The following MYOM2 variants were observed in gnomAD, a reference collection of about 807,000 sequenced individuals.
The protein encoded by MYOM2 is myomesin-2.
In MYOM2, 254 loss-of-function variants were observed where a neutral mutation model predicts 187.6. The observed-to-expected ratio is 1.35, with a 90% CI of 1.22 to 1.50. The LOEUF is 1.50. Among genes scored for constraint, MYOM2 ranks in the 40% most tolerant of loss-of-function variants. MYOM2 has a pLI of 0.00. For synonymous variants in MYOM2, 981 were observed against 753.8 expected, an observed-to-expected ratio of 1.30 and a Z score of -4.94; for missense variants, 2,796 against 1,924.0, an observed-to-expected ratio of 1.45 and a Z score of -8.48.
chr8:2,051,281 A>G, intron 2 of MYOM2, among the ~76,000 whole-genome samples: 1 of 152,194 alleles, frequency 6.6e-6, no homozygotes, highest in East Asian at 1.9e-4. Context: ...GGGAGGCAAT[A>G]TTAGTGATTT....
intron 6 of MYOM2, among the ~76,000 whole-genome samples, chr8:2,066,070 C>G (rs910709608): frequency 3.9e-5 from 6 of 152,334 alleles, no homozygotes; most frequent in Middle Eastern, 6.8e-3. Context: ...AAGGGTGGGT[C>G]AAGGCGTTCA....
At chr8:2,135,665 A>C (rs1798044152) in intron 32 of MYOM2, among the ~76,000 whole-genome samples, 1 of 152,196 alleles carries the variant, frequency 6.6e-6, no homozygotes, top group African/African-American at 2.4e-5. Context: ...TTAGTTTGGA[A>C]TGAAGGAATT....
chr8:2,076,021 GAATTA>G, intron 10 of MYOM2, 115 bp from the exon 11 acceptor site: 1 of 923,240 alleles, frequency 1.1e-6, no homozygotes, highest in East Asian at 2.8e-5. Context: ...TTGAACATGA[GAATTA>G]AACAGTGGTC....
intron 14 of MYOM2, among the ~76,000 whole-genome samples, chr8:2,089,336 A>G (rs1338174042): frequency 1.4e-5 from 2 of 147,812 alleles, no homozygotes; most frequent in Non-Finnish European, 3.0e-5. Context: ...CAATAATTCC[A>G]CCATATAAAA....
At chr8:2,120,896 A>T (rs1797431089) in intron 28 of MYOM2, among the ~76,000 whole-genome samples, 1 of 151,066 alleles carries the variant, frequency 6.6e-6, no homozygotes, top group Non-Finnish European at 1.5e-5. Flanking sequence ...TTATTATAGA[A>T]AAATACTTAG....
In MYOM2 at chr8:2,052,059, A is replaced by T; in HGVS notation, c.108-99A>T. 5 of 1,458,750 alleles carry T rather than the reference A, an allele frequency of 3.4e-6. No individual in the cohort carries two copies. The South Asian group carries it at 5.9e-5, about 17-fold the overall frequency. 90.4% of individuals were successfully genotyped at this position (1,458,750 alleles called of 1,614,324 possible). A position where few individuals can be genotyped will look rare whatever the true frequency, so the allele number is the denominator to read the frequency against. Reference sequence around the variant, plus strand: ...TGTTTGTGTGTGCTCTGCATATACCAGTGGTTTGGGGTGTGTAGAGAGAAA... The same window carrying T: ...TGTTTGTGTGTGCTCTGCATATACCTGTGGTTTGGGGTGTGTAGAGAGAAA... On this transcript the variant is annotated intron_variant, in intron 2 of 36. Transcript: ENST00000262113.
Position 2,145,177 on chromosome 8 carries a change from A to T in MYOM2, c.*196A>T. 3.2e-6 allele frequency: 2 copies of T among 630,308 alleles called. No homozygotes were observed. Among genetic ancestry groups the T allele is most frequent in the Non-Finnish European group, 5.4e-6 (2 of 369,572 alleles). The allele number at this position is 630,308 out of a possible 1,614,324, so 39.0% of individuals were successfully genotyped here. On this transcript the variant is annotated 3_prime_UTR_variant, in exon 37 of 37. Transcript: ENST00000262113. ...CTAAGGGAGAAAGCTAATGTTTTCC[A>T]CAAGACTGAACAACGTGTATTTACA...
intron 32 of MYOM2, among the ~76,000 whole-genome samples, chr8:2,140,153 C>A (rs997888740): frequency 2.4e-4 from 37 of 152,254 alleles, no homozygotes; most frequent in Admixed American, 2.3e-3. Context: ...CATAGGAGTA[C>A]ATATTTGTCT....
intron 1 of MYOM2, 48 bp from the exon 2 acceptor site, chr8:2,050,707 C>T: frequency 8.6e-7 from 1 of 1,164,218 alleles, no homozygotes; most frequent in Non-Finnish European, 1.3e-6. Flanking sequence ...GCAGAGGCCT[C>T]ATGATGCTTG....
At chr8:2,076,463 G>A in intron 11 of MYOM2, 181 bp downstream of exon 11, 1 of 767,972 alleles carries the variant, frequency 1.3e-6, no homozygotes, top group South Asian at 2.1e-5. Context: ...GGCCAAGTAG[G>A]CTGAGCCCAG....
At chr8:2,088,819 G>A (rs1423411715) in intron 14 of MYOM2, among the ~76,000 whole-genome samples, 1 of 152,244 alleles carries the variant, frequency 6.6e-6, no homozygotes, top group East Asian at 1.9e-4. Flanking sequence ...TCTGCTTTAA[G>A]TTCTTTGAGA....
intron 6 of MYOM2, among the ~76,000 whole-genome samples, chr8:2,060,972 G>A (rs1818833625): frequency 6.6e-6 from 1 of 152,058 alleles, no homozygotes; most frequent in African/African-American, 2.4e-5. Context: ...TGGGGGTGAG[G>A]GGGTTCCGGC....
At chr8:2,050,367 T>C (rs937880866) in intron 1 of MYOM2, among the ~76,000 whole-genome samples, 58 of 152,194 alleles carry the variant, frequency 3.8e-4, no homozygotes, top group Non-Finnish European at 8.1e-4. Flanking sequence ...GCTCTTATCG[T>C]ATGTTCTCTT....
chr8:2,093,871 A>G, intron 16 of MYOM2, 99 bp from the exon 17 acceptor site: 1 of 1,441,774 alleles, frequency 6.9e-7, no homozygotes, highest in Non-Finnish European at 9.5e-7. Flanking sequence ...TGTTATCCAT[A>G]AAAATTTTTT....
In MYOM2 at chr8:2,140,864, C is replaced by G. The variant is rs760458896; in HGVS notation, c.3942C>G (p.Arg1314=). 8 of 1,613,634 alleles carry G rather than the reference C, an allele frequency of 5.0e-6. No homozygotes were observed. In the South Asian group the frequency reaches 8.8e-5, roughly 18 times the overall value. ...TCGATGGCAAAGACAACCATCAACG[C>G]TCCCTTGACCTGTCCGGACAAGGTA... ...EIFDGKDNHQ[R]SLDLSGQAFD... is the part of the protein sequence containing the mutation. Residue 1314 remains arginine (R), a synonymous_variant, in exon 33 of 37, where the codon CGC becomes CGG. Coordinates refer to ENST00000262113, the MANE Select transcript of MYOM2 (RefSeq NM_003970.4).
chr8:2,101,638 C>T (rs550153402), intron 20 of MYOM2, among the ~76,000 whole-genome samples: 10 of 152,294 alleles, frequency 6.6e-5, no homozygotes, highest in South Asian at 4.1e-4. Context: ...TGCGCAGACA[C>T]GCCTGTTTTC....
chr8:2,063,608 G>A (rs1364392103), intron 6 of MYOM2, among the ~76,000 whole-genome samples: 3 of 152,184 alleles, frequency 2.0e-5, no homozygotes, highest in African/African-American at 7.2e-5. Context: ...ATTTTAGGGT[G>A]AAACGTTTTT....
intron 13 of MYOM2, chr8:2,081,681 G>T (rs1212718820): frequency 6.5e-6 from 1 of 153,920 alleles, no homozygotes; most frequent in East Asian, 1.9e-4. Context: ...ACCTTCCCCA[G>T]GGCAGAAGCC....
intron 3 of MYOM2, among the ~76,000 whole-genome samples, chr8:2,056,512 G>A (rs1818670503): frequency 2.3e-5 from 3 of 127,980 alleles, no homozygotes; most frequent in Admixed American, 2.2e-4. Context: ...CCGCGACGAT[G>A]TGAACATTTC....
Sources: gnomAD v4.1 joint callset for allele counts (sites outside exome capture counted in the v4.1 genomes callset) on GRCh38, gnomAD v4.1.1 for gene constraint, MANE v1.5 for transcripts, NCBI Gene and HGNC (gene_info 2026-07-23, HGNC 2026-07-21) for gene names.